Variants in MCCD1 observed in about 807,000 individuals in gnomAD.
MCCD1 encodes the protein mitochondrial coiled-coil domain protein 1.
Under a neutral mutation model 5.6 loss-of-function variants are expected in MCCD1, and 5 were observed. The ratio of observed to expected loss-of-function variants is 0.89; its 90% confidence interval spans 0.46 to 1.87. The LOEUF is 1.87. MCCD1 is among the 40% of genes most tolerant of loss of function. The pLI, the probability that MCCD1 is intolerant of heterozygous loss-of-function variation, is 0.01. For missense variants in MCCD1, 178 were observed against 141.8 expected (o/e 1.26, Z -1.30); for synonymous variants, 70 against 57.3 (o/e 1.22, Z -1.00).
rs774630096 is a variant in MCCD1 at position 31,528,985 on chromosome 6, C to A, written c.-30C>A. ...CCAGTTCCTGGTGGCCGTTGGACAG[C>A]TCACACAGCTCCCTGCCAGGTCACC... is the stretch of plus-strand genomic sequence containing the variant. On this transcript the variant is annotated 5_prime_UTR_variant, in exon 1 of 2. Transcript: ENST00000376191. The A allele has an allele frequency of 7.5e-6, 12 of 1,603,736 alleles. No individual in the cohort carries two copies. Among genetic ancestry groups the A allele is most frequent in the Middle Eastern group, 3.4e-4 (2 of 5,970 alleles).
Position 31,529,061 on chromosome 6 carries a change from T to G in MCCD1, c.47T>G (p.Leu16Arg), listed in dbSNP as rs1158059817. 2 of 1,612,410 alleles carry G rather than the reference T, an allele frequency of 1.2e-6. No individual in the cohort carries two copies. Among genetic ancestry groups the G allele is most frequent in the South Asian group, 1.1e-5 (1 of 90,978 alleles). ...CTCTCTCGGTACCATTTCCTTCGCC[T>G]CCTTCTGCCCTCCTGGTCCTTGGCA... ...PWLSRYHFLRLLLPSWSLAPQ... is the reference protein window; with the variant it reads ...PWLSRYHFLRRLLPSWSLAPQ... The change falls in exon 1 of 2, where the codon CTC becomes CGC. Residue 16 changes from leucine to arginine, a missense_variant. Coordinates refer to ENST00000376191, the MANE Select transcript of MCCD1 (RefSeq NM_001011700.3).
chr6:31,529,274 C>A (rs1582921783), intron 1 of MCCD1, 89 bp downstream of exon 1: 3 of 1,328,224 alleles, frequency 2.3e-6, no homozygotes, highest in East Asian at 4.8e-5. Context: ...CCTGCACCAC[C>A]CCACACCATG....
rs1220109422 is a variant in MCCD1 at position 31,528,984 on chromosome 6, G to A, written c.-31G>A. ...ACCAGTTCCTGGTGGCCGTTGGACA[G>A]CTCACACAGCTCCCTGCCAGGTCAC... On this transcript the variant is annotated 5_prime_UTR_variant, in exon 1 of 2. Coordinates refer to ENST00000376191, the MANE Select transcript of MCCD1 (RefSeq NM_001011700.3). 6.2e-7 allele frequency: 1 copy of A among 1,603,188 alleles called. No homozygotes were observed. The highest frequency in any genetic ancestry group is 8.5e-7 in the Non-Finnish European group (1 of 1,173,878).
In MCCD1 at chr6:31,530,159, T is replaced by C; in HGVS notation, c.*224T>C. The C allele has an allele frequency of 1.1e-6, 1 of 947,542 alleles. No individual in the cohort carries two copies. Among genetic ancestry groups the C allele is most frequent in the Non-Finnish European group, 1.5e-6 (1 of 660,430 alleles). The allele number at this position is 947,542 out of a possible 1,614,324, so 58.7% of individuals were successfully genotyped here. ...GCAGGGCACCCAGGCCTTATAGGAA[T>C]TCACCCTGGACCATGCCCTAAAATA... On this transcript the variant is annotated 3_prime_UTR_variant, in exon 2 of 2. Transcript: ENST00000376191. This position sits in a 1 kb window ranked among gnomAD's most constrained non-coding sequence, Gnocchi z 4.5.
Position 31,529,019 on chromosome 6 carries a change from T to C in MCCD1, c.5T>C (p.Val2Ala), listed in dbSNP as rs965611098. The C allele has an allele frequency of 6.2e-7, 1 of 1,611,868 alleles. No homozygotes were observed. Among genetic ancestry groups the C allele is most frequent in the Non-Finnish European group, 8.5e-7 (1 of 1,179,340 alleles). MVLPLPWLSRYH... is the reference protein window; with the variant it reads MALPLPWLSRYH... The stretch of plus-strand genomic sequence containing the variant: ...CTCCCTGCCAGGTCACCCGCCATGG[T>C]CCTCCCTCTGCCCTGGCTCTCTCGG... The change falls in exon 1 of 2, where the codon GTC (valine) becomes GCC (alanine). Residue 2 changes from valine (V) to alanine (A), a missense_variant. Physicochemically the swap from Val to Ala is moderately conservative, Grantham distance 64. Transcript: ENST00000376191.
chr6:31,529,340 C>T (rs1008072632), intron 1 of MCCD1, among the ~76,000 whole-genome samples, 155 bp downstream of exon 1: 3 of 151,788 alleles, frequency 2.0e-5, no homozygotes, highest in African/African-American at 7.3e-5. Context: ...CCCACCTCCC[C>T]CAGCCCAGAC....
In MCCD1 at chr6:31,529,799, A is replaced by C. The variant is rs1562399148; in HGVS notation, c.224A>C (p.Glu75Ala). ...AELARAEELL[E>A]QQLELYQALL... ...CTGGCCCGAGCTGAAGAGTTGTTGG[A>C]GCAGCAGCTGGAGCTGTACCAGGCC... Residue 75 changes from glutamate to alanine, a missense_variant, in exon 2 of 2, where the codon GAG (glutamate) becomes GCG (alanine). Coordinates refer to ENST00000376191, the MANE Select transcript of MCCD1 (RefSeq NM_001011700.3). The C allele has an allele frequency of 6.3e-7, 1 of 1,581,478 alleles. No individual in the cohort carries two copies. The highest frequency in any genetic ancestry group is 8.6e-7 in the Non-Finnish European group (1 of 1,161,432).
Position 31,529,935 on chromosome 6 carries a change from A to G in MCCD1, c.360A>G (p.Ter120=). 1 of 1,500,908 alleles carries G rather than the reference A, an allele frequency of 6.7e-7. No homozygotes were observed. Among genetic ancestry groups the G allele is most frequent in the Non-Finnish European group, 8.9e-7 (1 of 1,117,624 alleles). 93.0% of individuals were successfully genotyped at this position (1,500,908 alleles called of 1,614,324 possible). A position where few individuals can be genotyped will look rare whatever the true frequency, so the allele number is the denominator to read the frequency against. The change falls in exon 2 of 2, where the codon TAA becomes TAG. Residue 120 remains the stop codon, a stop_retained_variant. Coordinates refer to ENST00000376191, the MANE Select transcript of MCCD1 (RefSeq NM_001011700.3). The stretch of plus-strand genomic sequence containing the variant: ...AAGAGAGCCTTGGAGGAGGCGCCTA[A>G]GTTTCCCCCAGTGCCCACAGCACCC... ...RHQESLGGGA[*] is the part of the protein sequence containing the mutation.
Position 31,529,163 on chromosome 6 carries a change from G to A in MCCD1, c.149G>A (p.Gly50Glu). Residue 50 changes from glycine (G) to glutamate (E), a missense_variant, in exon 1 of 2, where the codon GGG becomes GAG. Coordinates refer to ENST00000376191, the MANE Select transcript of MCCD1 (RefSeq NM_001011700.3). ...GAGCAGACCAGCTCCAGAGGAAATG[G>A]GAAGATGACGTCCCCTCCCAGGGTA... ...MEEQTSSRGNGKMTSPPRGPG... is the reference protein window; with the variant it reads ...MEEQTSSRGNEKMTSPPRGPG... 6.2e-7 allele frequency: 1 copy of A among 1,612,552 alleles called. No homozygotes were observed. Among genetic ancestry groups the A allele is most frequent in the Non-Finnish European group, 8.5e-7 (1 of 1,179,776 alleles).
Position 31,530,155 on chromosome 6 carries a change from G to A in MCCD1, c.*220G>A, listed in dbSNP as rs1369650887. 2.1e-6 allele frequency: 2 copies of A among 970,174 alleles called. No individual in the cohort carries two copies. Among genetic ancestry groups the A allele is most frequent in the East Asian group, 2.7e-5 (1 of 36,844 alleles). 60.1% of individuals were successfully genotyped at this position (970,174 alleles called of 1,614,324 possible). Reference sequence around the variant, plus strand: ...GCAGGCAGGGCACCCAGGCCTTATAGGAATTCACCCTGGACCATGCCCTAA... The same window carrying A: ...GCAGGCAGGGCACCCAGGCCTTATAAGAATTCACCCTGGACCATGCCCTAA... On this transcript the variant is annotated 3_prime_UTR_variant, in exon 2 of 2. Transcript: ENST00000376191. The surrounding 1 kb of genome is among the most constrained non-coding windows in gnomAD (Gnocchi z 4.5).
Position 31,529,889 on chromosome 6 carries a change from AG to A in MCCD1, c.316del (p.Glu106AsnfsTer3), listed in dbSNP as rs1428973796. On this transcript the variant is annotated frameshift_variant, in exon 2 of 2. Coordinates refer to ENST00000376191, the MANE Select transcript of MCCD1 (RefSeq NM_001011700.3). LOFTEE classifies it low-confidence loss of function (END_TRUNC). ...CTGGTGCTCAAGATCCAGAAGCTGA[AG>A]GAACAGATGAGGAGGCACCAAGAGA... is the stretch of plus-strand genomic sequence containing the variant. Reference protein sequence around the residue: ...QALVLKIQKLKEQMRRHQESL... With the variant: ...QALVLKIQKLXEQMRRHQESL... 5.8e-6 allele frequency: 9 copies of A among 1,562,866 alleles called. No individual in the cohort carries two copies. The highest frequency in any genetic ancestry group is 2.3e-4 in the Middle Eastern group (1 of 4,406).
In MCCD1 at chr6:31,529,909, CAA is replaced by C; in HGVS notation, c.335_336del (p.Gln112ArgfsTer90). On this transcript the variant is annotated frameshift_variant, in exon 2 of 2. Transcript: ENST00000376191. LOFTEE classifies it high-confidence loss of function. ...GCTGAAGGAACAGATGAGGAGGCAC[CAA>C]GAGAGCCTTGGAGGAGGCGCCTAAG... ...QKLKEQMRRH[Q>X]ESLGGGA 1 of 1,542,868 alleles carries C rather than the reference CAA, an allele frequency of 6.5e-7. No homozygotes were observed. The highest frequency in any genetic ancestry group is 1.4e-5 in the African/African-American group (1 of 73,226).
chr6:31,530,200 C>T lies in MCCD1; in HGVS notation c.*265C>T, dbSNP rs373250588. Reference sequence around the variant, plus strand: ...CCCTAAAATAACCTCACCCCAAATACAATAAAGGGACGAAGCACTTATAGA... The same window carrying T: ...CCCTAAAATAACCTCACCCCAAATATAATAAAGGGACGAAGCACTTATAGA... On this transcript the variant is annotated 3_prime_UTR_variant, in exon 2 of 2. Coordinates refer to ENST00000376191, the MANE Select transcript of MCCD1 (RefSeq NM_001011700.3). This position sits in a 1 kb window ranked among gnomAD's most constrained non-coding sequence, Gnocchi z 4.5. The T allele has an allele frequency of 6.4e-6, 5 of 782,904 alleles. No individual in the cohort carries two copies. Among genetic ancestry groups the T allele is most frequent in the African/African-American group, 5.3e-5 (3 of 56,880 alleles). 48.5% of individuals were successfully genotyped at this position (782,904 alleles called of 1,614,324 possible). A position where few individuals can be genotyped will look rare whatever the true frequency, so the allele number is the denominator to read the frequency against.
rs3219190 is a variant in MCCD1, at chr6:31,530,198, T to C, written c.*263T>C. ...TGCCCTAAAATAACCTCACCCCAAA[T>C]ACAATAAAGGGACGAAGCACTTATA... is the stretch of plus-strand genomic sequence containing the variant. On this transcript the variant is annotated 3_prime_UTR_variant, in exon 2 of 2. Transcript: ENST00000376191. This position sits in a 1 kb window ranked among gnomAD's most constrained non-coding sequence, Gnocchi z 4.5. 74,593 of 781,844 alleles carry C rather than the reference T, an allele frequency of 0.095. 4,309 individuals are homozygous for C. Among genetic ancestry groups the C allele is most frequent in the Non-Finnish European group, 0.11 (57,592 of 503,100 alleles). The allele number at this position is 781,844 out of a possible 1,614,324, so 48.4% of individuals were successfully genotyped here. A position where few individuals can be genotyped will look rare whatever the true frequency, so the allele number is the denominator to read the frequency against.
rs946396273 is a variant in MCCD1 at position 31,529,977 on chromosome 6, C to T, written c.*42C>T. On this transcript the variant is annotated 3_prime_UTR_variant, in exon 2 of 2. Transcript: ENST00000376191. ...ACAGCACCCTCCGGCGCTGAAAATACACGCACCACCCACCAGGAGCCTTGG... is the reference window on the plus strand; with the variant it reads ...ACAGCACCCTCCGGCGCTGAAAATATACGCACCACCCACCAGGAGCCTTGG... The T allele has an allele frequency of 2.8e-6, 4 of 1,446,652 alleles. No individual in the cohort carries two copies. Among genetic ancestry groups the T allele is most frequent in the Middle Eastern group, 2.5e-4 (1 of 3,940 alleles). 89.6% of individuals were successfully genotyped at this position (1,446,652 alleles called of 1,614,324 possible).
rs1220714353 is a variant in MCCD1, at chr6:31,529,771, G to A, written c.196G>A (p.Glu66Lys). ...GGGCCCTGGGACCCACCGCACAGCT[G>A]AGCTGGCCCGAGCTGAAGAGTTGTT... ...PRGPGTHRTA[E>K]LARAEELLEQ... The change falls in exon 2 of 2, where the codon GAG (glutamate) becomes AAG (lysine). Residue 66 changes from glutamate to lysine, a missense_variant. Glu to Lys is a moderately conservative substitution (Grantham distance 56). Transcript: ENST00000376191. 2.0e-5 allele frequency: 31 copies of A among 1,546,490 alleles called. No individual in the cohort carries two copies. Among genetic ancestry groups the A allele is most frequent in the African/African-American group, 2.8e-5 (2 of 72,632 alleles).
rs1275204219 is a variant in MCCD1, at chr6:31,529,811, A to T, written c.236A>T (p.Glu79Val). 6.3e-7 allele frequency: 1 copy of T among 1,594,344 alleles called. No homozygotes were observed. ...GAAGAGTTGTTGGAGCAGCAGCTGG[A>T]GCTGTACCAGGCCCTCCTTGAAGGG... is the stretch of plus-strand genomic sequence containing the variant. ...RAEELLEQQL[E>V]LYQALLEGQE... is the part of the protein sequence containing the mutation. Residue 79 changes from glutamate to valine, a missense_variant, in exon 2 of 2, where the codon GAG becomes GTG. Coordinates refer to ENST00000376191, the MANE Select transcript of MCCD1 (RefSeq NM_001011700.3).
intron 1 of MCCD1, 125 bp from the exon 2 acceptor site, chr6:31,529,622 C>T (rs3130055): frequency 0.74 from 883,966 of 1,196,594 alleles, 328,055 homozygotes; most frequent in African/African-American, 0.83. Flanking sequence ...TGTCCTTAAA[C>T]GACCGGTTCA....
In MCCD1 at chr6:31,529,765, A is replaced by T; in HGVS notation, c.190A>T (p.Thr64Ser). The T allele has an allele frequency of 1.3e-6, 2 of 1,526,046 alleles. No homozygotes were observed. The highest frequency in any genetic ancestry group is 1.8e-6 in the Non-Finnish European group (2 of 1,131,758). 94.5% of individuals were successfully genotyped at this position (1,526,046 alleles called of 1,614,324 possible). The change falls in exon 2 of 2, where the codon ACA becomes TCA. Residue 64 changes from threonine (T) to serine (S), a missense_variant. Thr to Ser is a moderately conservative substitution (Grantham distance 58). Transcript: ENST00000376191. Reference protein sequence around the residue: ...SPPRGPGTHRTAELARAEELL... With the variant: ...SPPRGPGTHRSAELARAEELL... ...TGACCAGGGCCCTGGGACCCACCGC[A>T]CAGCTGAGCTGGCCCGAGCTGAAGA...
Sources: allele counts gnomAD v4.1 joint callset (sites outside exome capture counted in the v4.1 genomes callset), GRCh38; gene constraint gnomAD v4.1.1; non-coding constraint Gnocchi (gnomAD v3.1); transcripts MANE v1.5; gene names NCBI Gene and HGNC (gene_info 2026-07-23, HGNC 2026-07-21).